The following PTPRD variants were observed in gnomAD, a reference collection of about 807,000 sequenced individuals.
PTPRD encodes protein tyrosine phosphatase receptor type D, also known as receptor-type tyrosine-protein phosphatase delta.
In PTPRD, 34 loss-of-function variants were observed where a neutral mutation model predicts 214.5. That is an observed-to-expected ratio of 0.16 (90% CI 0.12 to 0.21). The LOEUF is 0.21. PTPRD is among the 10% of genes least tolerant of loss of function. The probability of loss-of-function intolerance (pLI) is 1.00; values close to 1 mark genes in which losing one functional copy is unlikely to be tolerated. For synonymous variants in PTPRD, 1,128 were observed against 845.7 expected (o/e 1.33, Z -5.79); for missense variants, 2,545 against 2,398.7 (o/e 1.06, Z -1.27).
chr9:9,871,390 C>T (rs1184755300), intron 5 of PTPRD, among the ~76,000 whole-genome samples: 1 of 152,094 alleles, frequency 6.6e-6, no homozygotes, highest in Non-Finnish European at 1.5e-5. Context: ...TTGATGGAGC[C>T]TTGTCTATTC....
At chr9:9,046,131 C>T (rs2154387179) in intron 10 of PTPRD, among the ~76,000 whole-genome samples, 1 of 152,222 alleles carries the variant, frequency 6.6e-6, no homozygotes, top group Non-Finnish European at 1.5e-5. Flanking sequence ...CTTTCAGCTT[C>T]CAAAAGAAGG....
At chr9:10,417,189 G>A (rs1422297863) in intron 2 of PTPRD, among the ~76,000 whole-genome samples, 2 of 151,866 alleles carry the variant, frequency 1.3e-5, no homozygotes, top group African/African-American at 4.8e-5. Context: ...GGATGATATT[G>A]AAGGAACATA....
chr9:9,864,437 C>T (rs1237478897), intron 5 of PTPRD, among the ~76,000 whole-genome samples: 2 of 152,130 alleles, frequency 1.3e-5, no homozygotes, highest in East Asian at 3.9e-4. Context: ...ACATAGATTC[C>T]GTGGTCTGCA....
At chr9:8,626,039 A>T (rs1442482205) in intron 14 of PTPRD, among the ~76,000 whole-genome samples, 2 of 151,784 alleles carry the variant, frequency 1.3e-5, no homozygotes, top group Non-Finnish European at 2.9e-5. Flanking sequence ...GGCTTTGATA[A>T]TTAAACCCTA....
chr9:8,754,976 A>G (rs1223382569), intron 11 of PTPRD, among the ~76,000 whole-genome samples: 4 of 152,158 alleles, frequency 2.6e-5, no homozygotes, highest in African/African-American at 4.8e-5. Context: ...GTTAGCCATT[A>G]AAGAAATGCA....
intron 11 of PTPRD, among the ~76,000 whole-genome samples, chr9:8,880,443 G>A (rs2098435979): frequency 1.3e-5 from 2 of 152,158 alleles, no homozygotes; most frequent in South Asian, 2.1e-4. Context: ...ATGAAGCACA[G>A]CATACGATCA....
intron 2 of PTPRD, among the ~76,000 whole-genome samples, chr9:10,427,527 A>G (rs938360894): frequency 1.3e-5 from 2 of 152,040 alleles, no homozygotes; most frequent in Non-Finnish European, 2.9e-5. Flanking sequence ...GCTGACAGCA[A>G]TTCTACCCAC....
At chr9:9,947,575 TTATATATATATTATATATATA>T (rs2092922351) in intron 4 of PTPRD, among the ~76,000 whole-genome samples, 1 of 41,984 alleles carries the variant, frequency 2.4e-5, no homozygotes, top group African/African-American at 1.6e-4. Context: ...TATATATATA[TTATATATATATTATATATATA>T]ATATATATAT....
chr9:9,864,830 C>T (rs1272928744), intron 5 of PTPRD, among the ~76,000 whole-genome samples: 3 of 152,010 alleles, frequency 2.0e-5, no homozygotes, highest in Admixed American at 1.3e-4. Context: ...CTGTGCACTT[C>T]GTAGTAAAGG....
chr9:9,330,251 C>T (rs1222936611), intron 9 of PTPRD, among the ~76,000 whole-genome samples: 1 of 152,016 alleles, frequency 6.6e-6, no homozygotes, highest in Admixed American at 6.6e-5. Flanking sequence ...TTTCCCACAC[C>T]ACTGGCTTAA....
At chr9:9,507,527 C>T (rs1401876676) in intron 8 of PTPRD, among the ~76,000 whole-genome samples, 1 of 151,264 alleles carries the variant, frequency 6.6e-6, no homozygotes, top group African/African-American at 2.4e-5. Flanking sequence ...ATTAGATTTT[C>T]TACCCATGGA....
chr9:9,013,953 C>G (rs1045073138), intron 11 of PTPRD, among the ~76,000 whole-genome samples: 1 of 152,150 alleles, frequency 6.6e-6, no homozygotes, highest in African/African-American at 2.4e-5. Context: ...ACCAATCTCA[C>G]TATAAGACTG....
chr9:10,153,984 T>C (rs1435667436), intron 3 of PTPRD, among the ~76,000 whole-genome samples: 1 of 152,146 alleles, frequency 6.6e-6, no homozygotes, highest in Non-Finnish European at 1.5e-5. Flanking sequence ...TGATTTATAA[T>C]GTTGAGGGTA....
chr9:10,142,053 G>A (rs997762085), intron 3 of PTPRD, among the ~76,000 whole-genome samples: 1 of 151,782 alleles, frequency 6.6e-6, no homozygotes, highest in Non-Finnish European at 1.5e-5. Flanking sequence ...AATGGTGCTG[G>A]GAAAACTGGC....
In PTPRD at chr9:9,859,981, A is replaced by C. The variant is rs62533747; in HGVS notation, c.-368+78526T>G. Among the ~76,000 whole-genome samples, 616 of 152,272 alleles carry C rather than the reference A, an allele frequency of 4.0e-3. 4 individuals carry two copies. The highest frequency in any genetic ancestry group is 0.017 in the Admixed American group (260 of 15,294). ...AAAAGTGTTTATCACAAGATCTCTA[A>C]CAACAACAACAAACTCCTCTGGTAC... On this transcript the variant is annotated intron_variant, in intron 5 of 45. Transcript: ENST00000381196.
chr9:9,482,169 TG>T (rs1054043589), intron 8 of PTPRD, among the ~76,000 whole-genome samples: 3 of 151,530 alleles, frequency 2.0e-5, no homozygotes, highest in African/African-American at 7.3e-5. Context: ...TGGGGAGAGG[TG>T]GGGTGCTGGA....
At chr9:8,411,550 T>A (rs190063287) in intron 35 of PTPRD, among the ~76,000 whole-genome samples, 1 of 152,164 alleles carries the variant, frequency 6.6e-6, no homozygotes, top group Non-Finnish European at 1.5e-5. Flanking sequence ...GTGATCCACC[T>A]GCCTTGGCTT....
chr9:8,507,293 A>G lies in PTPRD; in HGVS notation c.1677+8T>C. On this transcript the variant is annotated splice_region_variant and intron_variant, in intron 22 of 45. Transcript: ENST00000381196. ...TAATTCCCAAGGTGAGAAGCACTAT[A>G]GTCTTACCTCCTCTCCATGCTCCCC... is the stretch of plus-strand genomic sequence containing the variant. The G allele has an allele frequency of 6.2e-7, 1 of 1,613,310 alleles. No homozygotes were observed. The highest frequency in any genetic ancestry group is 8.5e-7 in the Non-Finnish European group (1 of 1,179,564).
At chr9:9,502,402 A>C (rs898456463) in intron 8 of PTPRD, among the ~76,000 whole-genome samples, 1 of 151,802 alleles carries the variant, frequency 6.6e-6, no homozygotes, top group Non-Finnish European at 1.5e-5. Context: ...TTCACTTAGC[A>C]TGTCATCCAG....
Sources: gnomAD v4.1 joint callset for allele counts (sites outside exome capture counted in the v4.1 genomes callset) on GRCh38, gnomAD v4.1.1 for gene constraint, MANE v1.5 for transcripts, NCBI Gene and HGNC (gene_info 2026-07-23, HGNC 2026-07-21) for gene names.